The following FRAS1 variants were observed in gnomAD, a reference collection of about 807,000 sequenced individuals.
The protein encoded by FRAS1 is extracellular matrix organizing protein FRAS1.
In FRAS1, 290 loss-of-function variants were observed where a neutral mutation model predicts 435.2. The observed-to-expected ratio is 0.67, with a 90% CI of 0.61 to 0.73. The LOEUF (loss-of-function observed/expected upper bound fraction) is 0.73. FRAS1 is among the 30% of genes least tolerant of loss of function. The pLI is 0.00. For synonymous variants in FRAS1, 1,800 were observed against 1,851.0 expected (o/e 0.97, Z 0.71); for missense variants, 4,860 against 5,001.5 (o/e 0.97, Z 0.85).
chr4:78,240,629 T>C (rs932305633), intron 3 of FRAS1, among the ~76,000 whole-genome samples: 1 of 152,190 alleles, frequency 6.6e-6, no homozygotes, highest in Non-Finnish European at 1.5e-5. Context: ...TAGCTGGATA[T>C]GTAAGTCTAA....
intron 35 of FRAS1, 67 bp downstream of exon 35, chr4:78,424,487 G>A (rs1733922797): frequency 1.4e-6 from 1 of 718,684 alleles, no homozygotes; most frequent in Non-Finnish European, 2.2e-6. Context: ...CTTTCTTTTT[G>A]TTCCCATCAT....
intron 35 of FRAS1, among the ~76,000 whole-genome samples, chr4:78,425,104 A>T (rs1311078943): frequency 2.3e-5 from 1 of 43,050 alleles, no homozygotes; most frequent in Admixed American, 2.2e-4. Flanking sequence ...AATGGGGATA[A>T]TAATAATAAT....
At chr4:78,151,464 T>C (rs1276316772) in intron 2 of FRAS1, among the ~76,000 whole-genome samples, 1 of 152,188 alleles carries the variant, frequency 6.6e-6, no homozygotes, top group African/African-American at 2.4e-5. Context: ...TTAAACAATC[T>C]GGTGAAAAGT....
At chr4:78,211,448 A>G (rs10013723) in intron 2 of FRAS1, among the ~76,000 whole-genome samples, 146,403 of 152,280 alleles carry the variant, frequency 0.96, 70,625 homozygotes, top group East Asian at 1. Flanking sequence ...TGACTAAAAT[A>G]CTGCCTTTGA....
chr4:78,465,292 T>G (rs1276902470), intron 49 of FRAS1, among the ~76,000 whole-genome samples: 1 of 152,224 alleles, frequency 6.6e-6, no homozygotes, highest in Admixed American at 6.5e-5. Context: ...ATTTGCAGGC[T>G]TAGAGAGTCT....
chr4:78,464,015 T>A lies in FRAS1; in HGVS notation c.6764-6T>A. ...TGTCTCTGTTTCTCTTTTCCCCTTT[T>A]TCTAGGTATCCAGATTAGTTCCTTT... On this transcript the variant is annotated splice_region_variant and splice_polypyrimidine_tract_variant and intron_variant, in intron 47 of 73. Coordinates refer to ENST00000512123, the MANE Select transcript of FRAS1 (RefSeq NM_025074.7). 5 of 1,612,874 alleles carry A rather than the reference T, an allele frequency of 3.1e-6. No individual in the cohort carries two copies. The highest frequency in any genetic ancestry group is 4.2e-6 in the Non-Finnish European group (5 of 1,179,762).
At chr4:78,099,493 G>A (rs1741996557) in intron 2 of FRAS1, among the ~76,000 whole-genome samples, 1 of 152,160 alleles carries the variant, frequency 6.6e-6, no homozygotes, top group Non-Finnish European at 1.5e-5. Flanking sequence ...ACGTAAAATA[G>A]GAGGTAAATT....
intron 44 of FRAS1, among the ~76,000 whole-genome samples, chr4:78,448,639 A>T (rs1718928227): frequency 7.0e-6 from 1 of 143,614 alleles, no homozygotes; most frequent in Non-Finnish European, 1.5e-5. Flanking sequence ...TTCCTCTAAC[A>T]TTACTCCCAT....
chr4:78,379,948 A>T lies in FRAS1; in HGVS notation c.3515A>T (p.Asp1172Val). 6.2e-7 allele frequency: 1 copy of T among 1,613,846 alleles called. No homozygotes were observed. Among genetic ancestry groups the T allele is most frequent in the Non-Finnish European group, 8.5e-7 (1 of 1,179,828 alleles). The change falls in exon 27 of 74, where the codon GAT becomes GTT. Residue 1172 changes from aspartate (D) to valine (V), a missense_variant. Transcript: ENST00000512123. ...AAGGCTGGCCGTTTTAGCTGGAAAG[A>T]TGTGAACGAGAAGAAAGTGCGTTTT... Reference protein sequence around the residue: ...LDKAGRFSWKDVNEKKVRFVH... With the variant: ...LDKAGRFSWKVVNEKKVRFVH...
At chr4:78,259,094 T>G (rs1358999057) in intron 6 of FRAS1, among the ~76,000 whole-genome samples, 2 of 96,010 alleles carry the variant, frequency 2.1e-5, no homozygotes, top group Admixed American at 1.1e-4. Context: ...ATTTTCTTAA[T>G]CCAGTCTATC....
Position 78,436,012 on chromosome 4 carries a change from A to G in FRAS1, c.5218-2558A>G, listed in dbSNP as rs148569638. On this transcript the variant is annotated intron_variant, in intron 38 of 73. Coordinates refer to ENST00000512123, the MANE Select transcript of FRAS1 (RefSeq NM_025074.7). ...AAACTAGAAACAAAAAGGTCTAACT[A>G]TAAAAGATTGGTAAATTTGACTATA... Among the ~76,000 whole-genome samples, 112 of 152,324 alleles carry G rather than the reference A, an allele frequency of 7.4e-4. 3 individuals are homozygous for G. In the East Asian group the frequency reaches 0.018, roughly 24 times the overall value.
intron 56 of FRAS1, among the ~76,000 whole-genome samples, chr4:78,479,945 G>A (rs1719961972): frequency 6.6e-6 from 1 of 152,090 alleles, no homozygotes; most frequent in African/African-American, 2.4e-5. Context: ...GTAAATTTTT[G>A]TGGGTACATA....
intron 69 of FRAS1, among the ~76,000 whole-genome samples, chr4:78,523,970 C>A (rs1406639733): frequency 6.6e-6 from 1 of 152,196 alleles, no homozygotes; most frequent in Non-Finnish European, 1.5e-5. Context: ...TTCCCTCAGC[C>A]CTTGCTGCTC....
chr4:78,343,660 G>C (rs1278540593), intron 20 of FRAS1, among the ~76,000 whole-genome samples: 1 of 152,170 alleles, frequency 6.6e-6, no homozygotes, highest in Non-Finnish European at 1.5e-5. Flanking sequence ...TGGTGAAAAA[G>C]TAAAATTGCT....
chr4:78,234,438 G>A (rs961192670), intron 2 of FRAS1, among the ~76,000 whole-genome samples: 1 of 152,028 alleles, frequency 6.6e-6, no homozygotes, highest in Non-Finnish European at 1.5e-5. Context: ...TGTTAGCCAG[G>A]ATGATCTCGA....
At chr4:78,061,337 A>G (rs1348843073) in intron 1 of FRAS1, among the ~76,000 whole-genome samples, 2 of 152,220 alleles carry the variant, frequency 1.3e-5, no homozygotes, top group Non-Finnish European at 2.9e-5. Context: ...CAGAAACTCT[A>G]CCATGGCTTT....
intron 20 of FRAS1, among the ~76,000 whole-genome samples, chr4:78,358,864 G>C (rs1176822184): frequency 6.6e-6 from 1 of 152,128 alleles, no homozygotes; most frequent in African/African-American, 2.4e-5. Context: ...ATGTTTACAG[G>C]AGTCCCTAAT....
At position 78,315,694 on chromosome 4, in the gene FRAS1, C is replaced by T. The variant is rs1331986712; in HGVS notation, c.1779C>T (p.Cys593=). 1.2e-6 allele frequency: 2 copies of T among 1,613,946 alleles called. No homozygotes were observed. Among genetic ancestry groups the T allele is most frequent in the Non-Finnish European group, 8.5e-7 (1 of 1,179,876 alleles). Residue 593 remains cysteine, a synonymous_variant, in exon 16 of 74, where the codon TGC becomes TGT. Coordinates refer to ENST00000512123, the MANE Select transcript of FRAS1 (RefSeq NM_025074.7). ...ATGATGGGAAATGCATGTCTGAATG[C>T]CCTGGCGGGTACTATGCTGATGCCA... ...VLHDGKCMSE[C]PGGYYADATG... is the part of the protein sequence containing the mutation.
chr4:78,338,047 C>T, intron 20 of FRAS1: 1 of 497,078 alleles, frequency 2.0e-6, no homozygotes, highest in Non-Finnish European at 3.6e-6. Context: ...ATCTCAGACT[C>T]TCATATTAAT....
Sources: gnomAD v4.1 joint callset for allele counts (sites outside exome capture counted in the v4.1 genomes callset) on GRCh38, gnomAD v4.1.1 for gene constraint, MANE v1.5 for transcripts, NCBI Gene and HGNC (gene_info 2026-07-23, HGNC 2026-07-21) for gene names.